The following IL16 variants were observed in gnomAD, a reference collection of about 807,000 sequenced individuals.
IL16 encodes interleukin 16, also known as pro-interleukin-16.
In IL16, 67 loss-of-function variants were observed where a neutral mutation model predicts 110.1. The ratio of observed to expected loss-of-function variants is 0.61; its 90% CI spans 0.50 to 0.75. The LOEUF (loss-of-function observed/expected upper bound fraction) is 0.75, where lower values mean the gene tolerates loss of function less well. Among genes scored for constraint, IL16 ranks in the 30% least tolerant of loss-of-function variants. The pLI, the probability that IL16 is intolerant of heterozygous loss-of-function variation, is 0.00. For synonymous variants in IL16, 689 were observed against 662.9 expected (o/e 1.04, Z -0.61); for missense variants, 1,545 against 1,655.0 (o/e 0.93, Z 1.15).
rs376638685 is a variant in IL16 at position 81,284,991 on chromosome 15, C to T, written c.1200-707C>T. 7.9e-5 allele frequency among the ~76,000 whole-genome samples: 12 copies of T among 152,230 alleles called. No homozygotes were observed. The East Asian group carries it at 2.1e-3, about 27-fold the overall frequency. ...ACCTAGATCAGGGAAATCTATTCAA[C>T]CTCTGCAACTCAATTTCCCTATCTA... On this transcript the variant is annotated intron_variant, in intron 9 of 18. Coordinates refer to ENST00000683961, the MANE Select transcript of IL16 (RefSeq NM_172217.5).
At chr15:81,269,212 T>C (rs1421928583) in intron 4 of IL16, among the ~76,000 whole-genome samples, 5 of 152,264 alleles carry the variant, frequency 3.3e-5, no homozygotes, top group Non-Finnish European at 5.9e-5. Flanking sequence ...AAATTCTGCC[T>C]GAGACCTGGC....
intron 1 of IL16, among the ~76,000 whole-genome samples, chr15:81,216,528 G>T (rs1040891080): frequency 7.9e-5 from 12 of 152,028 alleles, no homozygotes; most frequent in Non-Finnish European, 1.8e-4. Context: ...TGATAGTTTG[G>T]TCTCTCTCAG....
At chr15:81,199,365 AGTCTCAGTGGAT>A (rs1895726345) in intron 1 of IL16, among the ~76,000 whole-genome samples, 2 of 152,302 alleles carry the variant, frequency 1.3e-5, no homozygotes, top group South Asian at 4.1e-4. Context: ...AACACTGAGA[AGTCTCAGTGGAT>A]GTCTCAGGTG....
chr15:81,207,594 C>T (rs1896080646), intron 1 of IL16, among the ~76,000 whole-genome samples: 1 of 151,878 alleles, frequency 6.6e-6, no homozygotes, highest in Non-Finnish European at 1.5e-5. Flanking sequence ...TCTTTAGCTC[C>T]TACTTACAAG....
chr15:81,231,366 CT>C (rs1567008728), intron 2 of IL16, among the ~76,000 whole-genome samples: 17 of 145,308 alleles, frequency 1.2e-4, no homozygotes, highest in African/African-American at 3.2e-4. Flanking sequence ...CTCTCTCTCT[CT>C]CTCTCTCTCT....
intron 12 of IL16, among the ~76,000 whole-genome samples, chr15:81,295,689 A>C (rs965114680): frequency 1.3e-5 from 2 of 152,232 alleles, no homozygotes; most frequent in Non-Finnish European, 2.9e-5. Context: ...TCAGTATTTC[A>C]TAATGCTCTC....
chr15:81,287,857 A>C (rs937564928), intron 10 of IL16, among the ~76,000 whole-genome samples: 35 of 152,262 alleles, frequency 2.3e-4, no homozygotes, highest in African/African-American at 7.5e-4. Flanking sequence ...CTTCTTAATT[A>C]AGGCAAACAA....
chr15:81,215,602 G>A (rs114441051), intron 1 of IL16, among the ~76,000 whole-genome samples: 141 of 152,288 alleles, frequency 9.3e-4, no homozygotes, highest in South Asian at 5.6e-3. Flanking sequence ...TTATGTGCCC[G>A]TGTTTCTTTT....
At chr15:81,199,412 G>A (rs1334690241) in intron 1 of IL16, among the ~76,000 whole-genome samples, 4 of 152,192 alleles carry the variant, frequency 2.6e-5, no homozygotes, top group African/African-American at 9.7e-5. Flanking sequence ...TGGGTGGAAG[G>A]GCGGAGCCCA....
Position 81,308,897 on chromosome 15 carries a change from G to GGC in IL16, c.*100_*101insCG. ...CTCTGCTGCCGCCCCACCCAGATGG[G>GGC]GGAAAGCACAGGTGGGCTTCCCAGT... On this transcript the variant is annotated 3_prime_UTR_variant, in exon 19 of 19. Transcript: ENST00000683961. 1 of 1,113,940 alleles carries GGC rather than the reference G, an allele frequency of 9.0e-7. No homozygotes were observed. Among genetic ancestry groups the GGC allele is most frequent in the African/African-American group, 1.6e-5 (1 of 63,180 alleles). 69.0% of individuals were successfully genotyped at this position (1,113,940 alleles called of 1,614,324 possible). A position where few individuals can be genotyped will look rare whatever the true frequency, so the allele number is the denominator to read the frequency against.
chr15:81,182,869 AAG>A lies in IL16; in HGVS notation c.18_19del (p.Arg6SerfsTer11), dbSNP rs1434235419. 4 of 1,289,478 alleles carry A rather than the reference AAG, an allele frequency of 3.1e-6. No individual in the cohort carries two copies. Among genetic ancestry groups the A allele is most frequent in the Non-Finnish European group, 4.0e-6 (4 of 988,606 alleles). The allele number at this position is 1,289,478 out of a possible 1,614,324, so 79.9% of individuals were successfully genotyped here. ...CAAACCCTGTGCAATGAGTTTGCAGAAGAGAGTCTTCCCGAGAAGGCAGAACG... is the reference window on the plus strand; with the variant it reads ...CAAACCCTGTGCAATGAGTTTGCAGAAGAGTCTTCCCGAGAAGGCAGAACG... On this transcript the variant is annotated frameshift_variant, in exon 1 of 19. Coordinates refer to the IL16 transcript ENST00000302987. LOFTEE classifies it high-confidence loss of function.
intron 11 of IL16, 166 bp from the exon 12 acceptor site, chr15:81,292,390 C>A: frequency 1.0e-6 from 1 of 1,000,764 alleles, no homozygotes. Flanking sequence ...TACAGCTCGC[C>A]AGGGACCAAC....
chr15:81,272,927 G>A (rs1269592988), intron 5 of IL16, among the ~76,000 whole-genome samples, 163 bp from the exon 6 acceptor site: 2 of 146,496 alleles, frequency 1.4e-5, no homozygotes, highest in Non-Finnish European at 3.1e-5. Context: ...TGTTGGTGTT[G>A]TTGTTGTTGT....
Position 81,308,794 on chromosome 15 carries a change from C to A in IL16, c.3995C>A (p.Ser1332Tyr), listed in dbSNP as rs1443711479. 6.2e-7 allele frequency: 1 copy of A among 1,610,528 alleles called. No individual in the cohort carries two copies. The highest frequency in any genetic ancestry group is 8.5e-7 in the Non-Finnish European group (1 of 1,178,938). ...AAGGAAACCACAGCTGCTGGAGACT[C>A]CTAGGCAGGACATGCTGAAGCCAAA... is the stretch of plus-strand genomic sequence containing the variant. ...QSKETTAAGD[S>Y] The change falls in exon 19 of 19, where the codon TCC becomes TAC. Residue 1332 changes from serine (S) to tyrosine (Y), a missense_variant. Transcript: ENST00000683961.
In IL16 at chr15:81,313,094, T is replaced by G. The variant is rs1596068019; in HGVS notation, c.*4296T>G. On this transcript the variant is annotated 3_prime_UTR_variant, in exon 19 of 19. Coordinates refer to ENST00000683961, the MANE Select transcript of IL16 (RefSeq NM_172217.5). ...TGAGTGGGGCAGGAGGCAGGAAGGG[T>G]GGGCTGCCGCCTCTGGTTGGCATTC... 1 of 787,642 alleles carries G rather than the reference T, an allele frequency of 1.3e-6. No homozygotes were observed. 48.8% of individuals were successfully genotyped at this position (787,642 alleles called of 1,614,324 possible).
chr15:81,271,629 G>A (rs758209380), intron 5 of IL16, among the ~76,000 whole-genome samples: 5 of 152,114 alleles, frequency 3.3e-5, no homozygotes, highest in East Asian at 1.9e-4. Flanking sequence ...TAACCATGAC[G>A]CCATCCTGAG....
intron 10 of IL16, among the ~76,000 whole-genome samples, chr15:81,287,171 G>T (rs1328497365): frequency 6.6e-6 from 1 of 152,230 alleles, no homozygotes; most frequent in Non-Finnish European, 1.5e-5. Context: ...TGCTGGGCAA[G>T]TGGCTCTGGG....
At chr15:81,260,309 A>G (rs1395486058) in intron 3 of IL16, among the ~76,000 whole-genome samples, 1 of 152,222 alleles carries the variant, frequency 6.6e-6, no homozygotes, top group Non-Finnish European at 1.5e-5. Context: ...AGAAATTAAA[A>G]TCACACCAAA....
intron 6 of IL16, among the ~76,000 whole-genome samples, chr15:81,273,853 T>A (rs909091885): frequency 4.6e-5 from 7 of 151,154 alleles, no homozygotes; most frequent in African/African-American, 1.5e-4. Context: ...GACAGAAGCC[T>A]CATCCATCCT....
Sources: allele counts gnomAD v4.1 joint callset (sites outside exome capture counted in the v4.1 genomes callset), GRCh38; gene constraint gnomAD v4.1.1; transcripts MANE v1.5; gene names NCBI Gene and HGNC (gene_info 2026-07-23, HGNC 2026-07-21).